TRIM44: variants seen among roughly 807,000 people sequenced by gnomAD.
TRIM44 encodes tripartite motif containing 44, also known as tripartite motif-containing protein 44.
A neutral mutation model predicts 37.4 loss-of-function variants in TRIM44; 13 were observed. The ratio of observed to expected loss-of-function variants is 0.35; its 90% confidence interval spans 0.23 to 0.55. TRIM44 has a LOEUF of 0.55. Ranked by LOEUF, TRIM44 falls within the 20% of genes least tolerant of loss-of-function variation. The pLI, the probability that TRIM44 is intolerant of heterozygous loss-of-function variation, is 0.89. For synonymous variants in TRIM44, 175 were observed against 157.2 expected, an observed-to-expected ratio of 1.11 and a Z score of -0.85; for missense variants, 426 against 437.2, an observed-to-expected ratio of 0.97 and a Z score of 0.23.
chr11:35,764,020 T>C (rs1434461729), intron 4 of TRIM44, among the ~76,000 whole-genome samples: 1 of 152,172 alleles, frequency 6.6e-6, no homozygotes. Flanking sequence ...AGAAACTTTA[T>C]GTTCCCCTAT....
chr11:35,752,604 G>T (rs948222605), intron 4 of TRIM44, among the ~76,000 whole-genome samples: 6 of 152,094 alleles, frequency 3.9e-5, no homozygotes, highest in Non-Finnish European at 8.8e-5. Context: ...CTGCCTTAGT[G>T]GGGGAAAGAG....
At position 35,784,150 on chromosome 11, in the gene TRIM44, A is replaced by G. The variant is rs1473444215; in HGVS notation, c.1008-22208A>G. ...AGTCAAAGACTCTGAAACTATGGATAAGGGCAGGAGTACTCAGCTATCCAA... is the reference window on the plus strand; with the variant it reads ...AGTCAAAGACTCTGAAACTATGGATGAGGGCAGGAGTACTCAGCTATCCAA... On this transcript the variant is annotated intron_variant, in intron 4 of 4. Coordinates refer to ENST00000299413, the MANE Select transcript of TRIM44 (RefSeq NM_017583.6). Among the ~76,000 whole-genome samples the G allele has an allele frequency of 2.0e-5, 3 of 152,218 alleles. No homozygotes were observed. The South Asian group carries it at 6.2e-4, about 32-fold the overall frequency.
intron 2 of TRIM44, among the ~76,000 whole-genome samples, chr11:35,696,631 G>A (rs753304253): frequency 3.3e-5 from 5 of 151,038 alleles, no homozygotes; most frequent in Non-Finnish European, 7.4e-5. Context: ...GGTGGATCAC[G>A]AGGTCAAGAG....
chr11:35,748,839 C>T (rs2135528615), intron 4 of TRIM44, among the ~76,000 whole-genome samples: 1 of 152,274 alleles, frequency 6.6e-6, no homozygotes, highest in African/African-American at 2.4e-5. Flanking sequence ...TGATTCTTTC[C>T]TAACTTGGTT....
intron 1 of TRIM44, among the ~76,000 whole-genome samples, chr11:35,678,470 A>G (rs761292228): frequency 3.6e-4 from 55 of 152,160 alleles, no homozygotes; most frequent in East Asian, 1.9e-4. Context: ...AAAATGAAGT[A>G]ATATAAAGGA....
At chr11:35,805,188 GATA>G (rs1853431408) in intron 4 of TRIM44, among the ~76,000 whole-genome samples, 1 of 152,120 alleles carries the variant, frequency 6.6e-6, no homozygotes, top group Non-Finnish European at 1.5e-5. Context: ...GAAAACGGGG[GATA>G]ATAATAGCCC....
At position 35,813,460 on chromosome 11, in the gene TRIM44, T is replaced by G. The variant is rs1191585294; in HGVS notation, c.*7075T>G. ...CATCAGGCACCTCCTCAGAACCTAT[T>G]TGCTCTTCCTTCACACATATTTCTA... On this transcript the variant is annotated 3_prime_UTR_variant, in exon 5 of 5. Transcript: ENST00000299413. 6.6e-6 allele frequency: 1 copy of G among 152,162 alleles called. No homozygotes were observed. Among genetic ancestry groups the G allele is most frequent in the East Asian group, 1.9e-4 (1 of 5,202 alleles). 9.4% of individuals were successfully genotyped at this position (152,162 alleles called of 1,614,324 possible).
At chr11:35,675,711 G>A (rs1590494785) in intron 1 of TRIM44, among the ~76,000 whole-genome samples, 1 of 152,028 alleles carries the variant, frequency 6.6e-6, no homozygotes, top group African/African-American at 2.4e-5. Context: ...TAGTAGAGAC[G>A]GGGTTTCACT....
intron 4 of TRIM44, among the ~76,000 whole-genome samples, chr11:35,765,237 G>A (rs1852781704): frequency 6.6e-6 from 1 of 152,158 alleles, no homozygotes; most frequent in South Asian, 2.1e-4. Flanking sequence ...ACCAGATACT[G>A]TATGAGGCAC....
At chr11:35,757,679 A>G (rs1285494433) in intron 4 of TRIM44, among the ~76,000 whole-genome samples, 2 of 152,204 alleles carry the variant, frequency 1.3e-5, no homozygotes, top group African/African-American at 4.8e-5. Context: ...AATGTGTCCC[A>G]GAGATTCTGG....
At chr11:35,772,657 C>G (rs1852889736) in intron 4 of TRIM44, among the ~76,000 whole-genome samples, 1 of 152,174 alleles carries the variant, frequency 6.6e-6, no homozygotes, top group African/African-American at 2.4e-5. Context: ...GCCAATTTCC[C>G]CCATTTGGAA....
In TRIM44 at chr11:35,816,967, T is replaced by C. The variant is rs564672662; in HGVS notation, c.*10582T>C. The C allele has an allele frequency of 5.9e-5, 9 of 152,306 alleles. No homozygotes were observed. The South Asian group carries it at 1.5e-3, about 25-fold the overall frequency. 9.4% of individuals were successfully genotyped at this position (152,306 alleles called of 1,614,324 possible). On this transcript the variant is annotated 3_prime_UTR_variant, in exon 5 of 5. Transcript: ENST00000299413. ...TAGCCCTCTGTACCACATCCCCATG[T>C]ACTTTTTCATATCAACGGTAAGTAC...
intron 4 of TRIM44, among the ~76,000 whole-genome samples, chr11:35,754,248 ATTGGC>A (rs1852596334): frequency 6.6e-6 from 1 of 152,126 alleles, no homozygotes; most frequent in South Asian, 2.1e-4. Flanking sequence ...ATGGGAAATT[ATTGGC>A]GAAATCCTCA....
At chr11:35,735,319 T>A in intron 3 of TRIM44, 107 bp from the exon 4 acceptor site, 1 of 1,023,048 alleles carries the variant, frequency 9.8e-7, no homozygotes. Context: ...ACAATAAATG[T>A]ATAGTCCATG....
intron 2 of TRIM44, among the ~76,000 whole-genome samples, chr11:35,719,644 TA>T (rs1463424398): frequency 1.3e-5 from 2 of 152,184 alleles, no homozygotes; most frequent in African/African-American, 2.4e-5. Context: ...CTAGCTTTTT[TA>T]AAATGTTATC....
At chr11:35,697,229 A>G (rs1851715111) in intron 2 of TRIM44, among the ~76,000 whole-genome samples, 1 of 91,306 alleles carries the variant, frequency 1.1e-5, no homozygotes, top group African/African-American at 4.3e-5. Flanking sequence ...CCACCCCACA[A>G]CAGGCCCCGG....
chr11:35,767,879 A>G (rs528320411), intron 4 of TRIM44, among the ~76,000 whole-genome samples: 90 of 152,348 alleles, frequency 5.9e-4, no homozygotes, highest in African/African-American at 2.1e-3. Flanking sequence ...AATGGTGCCT[A>G]TAGTGGTAAC....
intron 1 of TRIM44, among the ~76,000 whole-genome samples, chr11:35,674,973 A>C (rs1349347454): frequency 1.3e-5 from 2 of 152,218 alleles, no homozygotes; most frequent in East Asian, 1.9e-4. Context: ...TACTAGGTAG[A>C]TACAGGCTTT....
At chr11:35,704,305 G>T (rs538484512) in intron 2 of TRIM44, among the ~76,000 whole-genome samples, 1,908 of 152,250 alleles carry the variant, frequency 0.013, 41 homozygotes, top group African/African-American at 0.044. Context: ...GAAAGTGATG[G>T]GGAGAATGGA....
Sources: allele counts gnomAD v4.1 joint callset (sites outside exome capture counted in the v4.1 genomes callset), GRCh38; gene constraint gnomAD v4.1.1; transcripts MANE v1.5; gene names NCBI Gene and HGNC (gene_info 2026-07-23, HGNC 2026-07-21).